Variants in FRMD4A observed in about 807,000 individuals in gnomAD.
FRMD4A encodes FERM domain-containing protein 4A.
FRMD4A carries 29 observed loss-of-function variants against 129.1 expected under a neutral mutation model. That is an observed-to-expected ratio of 0.22 (90% CI 0.17 to 0.31). FRMD4A has a LOEUF of 0.31. Ranked by LOEUF, FRMD4A falls within the 10% of genes least tolerant of loss-of-function variation. The pLI is 1.00. For synonymous variants in FRMD4A, 634 were observed against 571.6 expected, an observed-to-expected ratio of 1.11 and a Z score of -1.56; for missense variants, 1,272 against 1,375.8, an observed-to-expected ratio of 0.92 and a Z score of 1.19.
chr10:13,804,523 T>TTTTCTTTC lies in FRMD4A; in HGVS notation c.206+6283_206+6290dup, dbSNP rs35515807. Among the ~76,000 whole-genome samples the TTTTCTTTC allele has an allele frequency of 4.2e-3, 616 of 146,764 alleles. 6 individuals are homozygous for TTTTCTTTC. Among genetic ancestry groups the TTTTCTTTC allele is most frequent in the African/African-American group, 0.012 (459 of 39,240 alleles). On this transcript the variant is annotated intron_variant, in intron 4 of 24. Transcript: ENST00000357447. ...GATGCATCTTCAATGAGTCAGGACTTTTTCTTTCTTTCTTTCTTTCTTTAT... is the reference window on the plus strand; with the variant it reads ...GATGCATCTTCAATGAGTCAGGACTTTTTCTTTCTTTCTTTCTTTCTTTCTTTCTTTAT...
At chr10:14,208,755 G>A (rs761025336) in intron 2 of FRMD4A, among the ~76,000 whole-genome samples, 3 of 152,160 alleles carry the variant, frequency 2.0e-5, no homozygotes, top group South Asian at 2.1e-4. Context: ...GAAAGGCACA[G>A]TTTGGGACTC....
In FRMD4A at chr10:13,951,890, AAATAATAATAAT is replaced by A. The variant is rs5783371; in HGVS notation, c.46-92990_46-92979del. Among the ~76,000 whole-genome samples the A allele has an allele frequency of 1.6e-3, 205 of 127,666 alleles. 6 individuals carry two copies. Among genetic ancestry groups the A allele is most frequent in the African/African-American group, 4.2e-3 (154 of 36,890 alleles). The allele number at this position is 127,666 out of a possible 152,430, so 83.8% of individuals were successfully genotyped here. ...GGGCTACAGAGTGAGACTCTGTCTC[AAATAATAATAAT>A]AATAATAATAATAATAATAATAATA... On this transcript the variant is annotated intron_variant, in intron 2 of 24. Transcript: ENST00000357447.
rs547905637 is a variant in FRMD4A, at chr10:14,267,518, T to C, written c.45+62540A>G. Among the ~76,000 whole-genome samples, 8 of 152,350 alleles carry C rather than the reference T, an allele frequency of 5.3e-5. No individual in the cohort carries two copies. The South Asian group carries it at 1.7e-3, about 32-fold the overall frequency. On this transcript the variant is annotated intron_variant, in intron 2 of 24. Coordinates refer to ENST00000357447, the MANE Select transcript of FRMD4A (RefSeq NM_018027.5). ...AATTTCAAGGCCCTTATTTTACTCATACACCATTTGGCAGTAGCCTTTCTG... is the reference window on the plus strand; with the variant it reads ...AATTTCAAGGCCCTTATTTTACTCACACACCATTTGGCAGTAGCCTTTCTG...
chr10:13,975,981 C>T (rs1216259363), intron 2 of FRMD4A, among the ~76,000 whole-genome samples: 1 of 152,144 alleles, frequency 6.6e-6, no homozygotes, highest in Non-Finnish European at 1.5e-5. Context: ...AGGTAGTTTA[C>T]CACTTAGACA....
At chr10:14,298,220 A>C (rs1274440446) in intron 2 of FRMD4A, among the ~76,000 whole-genome samples, 1 of 152,058 alleles carries the variant, frequency 6.6e-6, no homozygotes, top group Non-Finnish European at 1.5e-5. Flanking sequence ...CATATCAAAA[A>C]CTCCCAAGAT....
intron 2 of FRMD4A, among the ~76,000 whole-genome samples, chr10:13,964,450 G>A (rs1252061462): frequency 6.7e-6 from 1 of 150,252 alleles, no homozygotes; most frequent in Non-Finnish European, 1.5e-5. Flanking sequence ...TGCACAGCCA[G>A]GAGTGGCGTG....
intron 2 of FRMD4A, among the ~76,000 whole-genome samples, chr10:13,865,598 A>T (rs1171933222): frequency 6.6e-6 from 1 of 151,816 alleles, no homozygotes; most frequent in African/African-American, 2.4e-5. Flanking sequence ...CTACAGGCAC[A>T]CACCACCATG....
chr10:14,165,831 C>G (rs1235092307), intron 2 of FRMD4A, among the ~76,000 whole-genome samples: 1 of 152,104 alleles, frequency 6.6e-6, no homozygotes, highest in Middle Eastern at 3.2e-3. Flanking sequence ...AAGATGGGTA[C>G]AGTAGACACT....
intron 2 of FRMD4A, among the ~76,000 whole-genome samples, chr10:14,054,998 T>C (rs545667896): frequency 6.6e-6 from 1 of 152,170 alleles, no homozygotes; most frequent in African/African-American, 2.4e-5. Flanking sequence ...GTCTCAGGTA[T>C]GTCCTTATAG....
At chr10:14,214,826 C>T (rs1014317333) in intron 2 of FRMD4A, among the ~76,000 whole-genome samples, 7 of 152,162 alleles carry the variant, frequency 4.6e-5, no homozygotes, top group Non-Finnish European at 1.0e-4. Flanking sequence ...TTTTTAAAAA[C>T]CTGCTTTGTA....
chr10:14,090,988 A>G (rs1230773189), intron 2 of FRMD4A, among the ~76,000 whole-genome samples: 1 of 151,972 alleles, frequency 6.6e-6, no homozygotes, highest in Non-Finnish European at 1.5e-5. Flanking sequence ...CTAACATTTG[A>G]CTGCCTTGTG....
intron 2 of FRMD4A, among the ~76,000 whole-genome samples, chr10:14,190,840 T>C (rs77273923): frequency 0.011 from 1,742 of 152,302 alleles, 34 homozygotes; most frequent in African/African-American, 0.04. Flanking sequence ...AGCAGGTGAC[T>C]GATGGAAGGA....
intron 2 of FRMD4A, among the ~76,000 whole-genome samples, chr10:14,206,661 G>A (rs1842788062): frequency 6.6e-6 from 1 of 151,704 alleles, no homozygotes; most frequent in South Asian, 2.1e-4. Context: ...AAAAAAATTA[G>A]CCGGGCGTGG....
At chr10:13,809,009 A>G (rs1271893159) in intron 4 of FRMD4A, among the ~76,000 whole-genome samples, 1 of 152,206 alleles carries the variant, frequency 6.6e-6, no homozygotes, top group Non-Finnish European at 1.5e-5. Flanking sequence ...ATGCACGCAC[A>G]TGCTTTCCTG....
intron 18 of FRMD4A, among the ~76,000 whole-genome samples, chr10:13,665,250 A>G (rs2082932530): frequency 6.6e-6 from 1 of 151,870 alleles, no homozygotes; most frequent in African/African-American, 2.4e-5. Context: ...ACCACCATCC[A>G]TCTTCTGTTT....
At chr10:14,097,467 T>C (rs1406680634) in intron 2 of FRMD4A, among the ~76,000 whole-genome samples, 2 of 152,188 alleles carry the variant, frequency 1.3e-5, no homozygotes, top group African/African-American at 4.8e-5. Flanking sequence ...CATCTTTTAA[T>C]CTTAATTTTC....
chr10:14,146,270 T>A (rs137980674), intron 2 of FRMD4A, among the ~76,000 whole-genome samples: 1 of 152,208 alleles, frequency 6.6e-6, no homozygotes, highest in Non-Finnish European at 1.5e-5. Flanking sequence ...AGCTAGATTA[T>A]GTGACAGGAA....
rs2094588355 is a variant in FRMD4A at position 13,884,196 on chromosome 10, T to TCACACACACTCACACACTCTCA, written c.46-25285_46-25284insTGAGAGTGTGTGAGTGTGTGTG. On this transcript the variant is annotated intron_variant, in intron 2 of 24. Coordinates refer to ENST00000357447, the MANE Select transcript of FRMD4A (RefSeq NM_018027.5). Reference sequence around the variant, plus strand: ...CACACTCACACACACACACACACACTCACACACACACTCACACACACACAC... The same window carrying TCACACACACTCACACACTCTCA: ...CACACTCACACACACACACACACACTCACACACACTCACACACTCTCACACACACACACTCACACACACACAC... 5.2e-4 allele frequency among the ~76,000 whole-genome samples: 56 copies of TCACACACACTCACACACTCTCA among 108,578 alleles called. 1 individual carries two copies. Among genetic ancestry groups the TCACACACACTCACACACTCTCA allele is most frequent in the African/African-American group, 2.0e-3 (55 of 27,878 alleles). The allele number at this position is 108,578 out of a possible 152,430, so 71.2% of individuals were successfully genotyped here. A position where few individuals can be genotyped will look rare whatever the true frequency, so the allele number is the denominator to read the frequency against.
intron 2 of FRMD4A, among the ~76,000 whole-genome samples, chr10:14,153,029 G>T (rs986786271): frequency 6.6e-6 from 1 of 152,124 alleles, no homozygotes; most frequent in South Asian, 2.1e-4. Flanking sequence ...GCAGAGACTC[G>T]TGGACTCCAC....
Sources: allele counts gnomAD v4.1 joint callset (sites outside exome capture counted in the v4.1 genomes callset), GRCh38; gene constraint gnomAD v4.1.1; transcripts MANE v1.5; gene names NCBI Gene and HGNC (gene_info 2026-07-23, HGNC 2026-07-21).